Variants in SEC14L1 observed in about 807,000 individuals in gnomAD.
SEC14L1 encodes SEC14-like protein 1.
A neutral mutation model predicts 85.3 loss-of-function variants in SEC14L1; 48 were observed. The ratio of observed to expected loss-of-function variants is 0.56; its 90% CI spans 0.45 to 0.72. SEC14L1 has a LOEUF of 0.72. SEC14L1 is among the 30% of genes least tolerant of loss of function. The pLI is 0.00. For missense variants in SEC14L1, 682 were observed against 921.4 expected (o/e 0.74, Z 3.36); for synonymous variants, 391 against 355.5 (o/e 1.10, Z -1.12).
At position 77,214,178 on chromosome 17, in the gene SEC14L1, A is replaced by C; in HGVS notation, c.*155A>C. 2 of 1,417,582 alleles carry C rather than the reference A, an allele frequency of 1.4e-6. No individual in the cohort carries two copies. Among genetic ancestry groups the C allele is most frequent in the South Asian group, 3.1e-5 (2 of 65,020 alleles). 87.8% of individuals were successfully genotyped at this position (1,417,582 alleles called of 1,614,324 possible). On this transcript the variant is annotated 3_prime_UTR_variant, in exon 17 of 17. Transcript: ENST00000436233. Reference sequence around the variant, plus strand: ...TGGTAAACGTAGTCGTTTGATCCCAAAACTACCTTGGCAGGTAGTTTTAAC... The same window carrying C: ...TGGTAAACGTAGTCGTTTGATCCCACAACTACCTTGGCAGGTAGTTTTAAC...
intron 3 of SEC14L1, chr17:77,185,243 G>T: frequency 1.0e-6 from 1 of 985,504 alleles, no homozygotes; most frequent in Non-Finnish European, 1.2e-6. Flanking sequence ...GACAGGCTTG[G>T]AAGAGAATGT....
At chr17:77,145,589 A>T (rs550537136) in intron 3 of SEC14L1, among the ~76,000 whole-genome samples, 6 of 152,304 alleles carry the variant, frequency 3.9e-5, no homozygotes, top group African/African-American at 1.2e-4. Context: ...TTGACTTACC[A>T]TGTTTGCCAT....
intron 3 of SEC14L1, among the ~76,000 whole-genome samples, chr17:77,157,767 G>A (rs117183484): frequency 6.6e-6 from 1 of 152,028 alleles, no homozygotes; most frequent in African/African-American, 2.4e-5. Context: ...ACCTCGTGAT[G>A]CGTCTGCCTT....
At chr17:77,188,446 A>C (rs1598367140) in intron 3 of SEC14L1, among the ~76,000 whole-genome samples, 1 of 146,676 alleles carries the variant, frequency 6.8e-6, no homozygotes, top group Admixed American at 6.8e-5. Flanking sequence ...TAATTCTCCC[A>C]CGATTCATCC....
At chr17:77,101,735 A>G (rs1344034973) in intron 3 of SEC14L1, among the ~76,000 whole-genome samples, 2 of 152,142 alleles carry the variant, frequency 1.3e-5, no homozygotes, top group Admixed American at 6.5e-5. Context: ...TGGTCTGAGG[A>G]CCACTCGGTC....
chr17:77,195,099 A>AT (rs1975738984), intron 7 of SEC14L1, 188 bp downstream of exon 7: 2 of 573,524 alleles, frequency 3.5e-6, no homozygotes, highest in Admixed American at 6.4e-5. Flanking sequence ...CTTTTATTAG[A>AT]TTTTTTGTTA....
At chr17:77,121,242 A>G (rs1399385966) in intron 3 of SEC14L1, among the ~76,000 whole-genome samples, 1 of 152,338 alleles carries the variant, frequency 6.6e-6, no homozygotes. Flanking sequence ...CCGACAAAGC[A>G]AAGACAACAG....
In SEC14L1 at chr17:77,214,212, T is replaced by TA; in HGVS notation, c.*191dup. 1 of 1,395,344 alleles carries TA rather than the reference T, an allele frequency of 7.2e-7. No homozygotes were observed. Among genetic ancestry groups the TA allele is most frequent in the Non-Finnish European group, 9.3e-7 (1 of 1,078,490 alleles). 86.4% of individuals were successfully genotyped at this position (1,395,344 alleles called of 1,614,324 possible). ...TGGCAGGTAGTTTTAACTCTGATCCTAACTTAACTCAATAGCCATAGATTT... is the reference window on the plus strand; with the variant it reads ...TGGCAGGTAGTTTTAACTCTGATCCTAAACTTAACTCAATAGCCATAGATTT... On this transcript the variant is annotated 3_prime_UTR_variant, in exon 17 of 17. Transcript: ENST00000436233.
At chr17:77,115,703 T>C (rs1276245296) in intron 3 of SEC14L1, among the ~76,000 whole-genome samples, 1 of 152,148 alleles carries the variant, frequency 6.6e-6, no homozygotes, top group Non-Finnish European at 1.5e-5. Flanking sequence ...GCATGTTCTC[T>C]TGCTTTCAAA....
At chr17:77,168,797 C>T (rs942577174) in intron 3 of SEC14L1, among the ~76,000 whole-genome samples, 4 of 152,236 alleles carry the variant, frequency 2.6e-5, no homozygotes, top group Admixed American at 6.5e-5. Flanking sequence ...TTAATGGCAT[C>T]GTCTGCATAA....
At chr17:77,155,662 G>A (rs1047686686) in intron 3 of SEC14L1, among the ~76,000 whole-genome samples, 4 of 152,184 alleles carry the variant, frequency 2.6e-5, no homozygotes, top group African/African-American at 7.2e-5. Flanking sequence ...CAGAGAGATC[G>A]GTACATTGTA....
chr17:77,213,719 C>G lies in SEC14L1; in HGVS notation c.2043-199C>G. 1 of 861,374 alleles carries G rather than the reference C, an allele frequency of 1.2e-6. No homozygotes were observed. Among genetic ancestry groups the G allele is most frequent in the East Asian group, 2.6e-5 (1 of 37,952 alleles). The allele number at this position is 861,374 out of a possible 1,614,324, so 53.4% of individuals were successfully genotyped here. On this transcript the variant is annotated intron_variant, in intron 16 of 16. Coordinates refer to ENST00000436233, the MANE Select transcript of SEC14L1 (RefSeq NM_001143998.2). The surrounding 1 kb of genome is among the most constrained non-coding windows in gnomAD (Gnocchi z 7.1). ...CCGACTGACTGCCTTTGCTTTAGCT[C>G]ACACTGCCGTCTGCGTGCAGGCTGT...
chr17:77,092,861 T>C (rs944457674), intron 2 of SEC14L1, among the ~76,000 whole-genome samples: 3 of 149,962 alleles, frequency 2.0e-5, no homozygotes, highest in Admixed American at 6.7e-5. Context: ...GGCAGGAGAA[T>C]TGCTTGAACC....
chr17:77,107,407 CCTT>C (rs1438387936), intron 3 of SEC14L1, among the ~76,000 whole-genome samples: 4 of 152,074 alleles, frequency 2.6e-5, no homozygotes, highest in Non-Finnish European at 5.9e-5. Context: ...GAAAGAGTCT[CCTT>C]CGTGTAGTTT....
intron 3 of SEC14L1, among the ~76,000 whole-genome samples, chr17:77,117,783 G>A (rs966439382): frequency 6.6e-6 from 1 of 152,208 alleles, no homozygotes; most frequent in Admixed American, 6.5e-5. Flanking sequence ...ATTATCTCCT[G>A]TGCCTCCTTC....
intron 3 of SEC14L1, among the ~76,000 whole-genome samples, chr17:77,119,187 A>C (rs1972242208): frequency 6.6e-6 from 1 of 151,926 alleles, no homozygotes; most frequent in Non-Finnish European, 1.5e-5. Context: ...ATGCGCCTCT[A>C]ATCTCAGCTA....
rs376849466 is a variant in SEC14L1, at chr17:77,216,266, C to T, written c.*2243C>T. On this transcript the variant is annotated 3_prime_UTR_variant, in exon 17 of 17. Coordinates refer to ENST00000436233, the MANE Select transcript of SEC14L1 (RefSeq NM_001143998.2). ...GTAGGTAGGGTTCGTAGGTAGGGTT[C>T]GTAGGTAGGGTTAGTAGGTAGGGTT... The T allele has an allele frequency of 4.6e-6, 5 of 1,098,358 alleles. No individual in the cohort carries two copies. Among genetic ancestry groups the T allele is most frequent in the Non-Finnish European group, 4.4e-6 (4 of 908,098 alleles). 68.0% of individuals were successfully genotyped at this position (1,098,358 alleles called of 1,614,324 possible). A position where few individuals can be genotyped will look rare whatever the true frequency, so the allele number is the denominator to read the frequency against.
chr17:77,213,660 G>T lies in SEC14L1; in HGVS notation c.2042+168G>T, dbSNP rs1179921476. 1 of 896,480 alleles carries T rather than the reference G, an allele frequency of 1.1e-6. No individual in the cohort carries two copies. 55.5% of individuals were successfully genotyped at this position (896,480 alleles called of 1,614,324 possible). Reference sequence around the variant, plus strand: ...TCATTTGTTGGCACGGTGACTCCCTGCCTGTCTGCAGAGGGAGAGTGTCGG... The same window carrying T: ...TCATTTGTTGGCACGGTGACTCCCTTCCTGTCTGCAGAGGGAGAGTGTCGG... On this transcript the variant is annotated intron_variant, in intron 16 of 16. Transcript: ENST00000436233. This position sits in a 1 kb window ranked among gnomAD's most constrained non-coding sequence, Gnocchi z 7.1.
intron 9 of SEC14L1, among the ~76,000 whole-genome samples, chr17:77,201,804 C>T (rs973113866): frequency 1.2e-4 from 18 of 152,094 alleles, no homozygotes; most frequent in Non-Finnish European, 1.2e-4. Context: ...TAGGCCTTTC[C>T]GTAAGATTTT....
Sources: allele counts gnomAD v4.1 joint callset (sites outside exome capture counted in the v4.1 genomes callset), GRCh38; gene constraint gnomAD v4.1.1; non-coding constraint Gnocchi (gnomAD v3.1); transcripts MANE v1.5; gene names NCBI Gene and HGNC (gene_info 2026-07-23, HGNC 2026-07-21).